ABLIM2: variants seen among roughly 807,000 people sequenced by gnomAD.
The protein encoded by ABLIM2 is actin binding LIM protein family member 2.
In ABLIM2, 53 loss-of-function variants were observed where a neutral mutation model predicts 97.7. That is an observed-to-expected ratio of 0.54 (90% CI 0.44 to 0.68). The LOEUF (loss-of-function observed/expected upper bound fraction) is 0.68, where lower values mean the gene tolerates loss of function less well. Ranked by LOEUF, ABLIM2 falls within the 30% of genes least tolerant of loss-of-function variation. The probability of loss-of-function intolerance (pLI) is 0.00; values close to 1 mark genes in which losing one functional copy is unlikely to be tolerated. For synonymous variants in ABLIM2, 361 were observed against 345.8 expected (o/e 1.04, Z -0.49); for missense variants, 835 against 867.2 (o/e 0.96, Z 0.47).
intron 1 of ABLIM2, among the ~76,000 whole-genome samples, chr4:8,158,161 G>C (rs1441246832): frequency 6.6e-6 from 1 of 152,228 alleles, no homozygotes; most frequent in Non-Finnish European, 1.5e-5. Context: ...ACACATGCGG[G>C]CTCCGGGTCC....
chr4:8,152,337 C>T (rs2152959577), intron 1 of ABLIM2, among the ~76,000 whole-genome samples: 1 of 152,356 alleles, frequency 6.6e-6, no homozygotes, highest in African/African-American at 2.4e-5. Flanking sequence ...AATCACGTGA[C>T]ACCAGGCACC....
intron 8 of ABLIM2, among the ~76,000 whole-genome samples, chr4:8,050,019 C>T (rs1215320723): frequency 3.3e-5 from 5 of 152,192 alleles, no homozygotes; most frequent in Admixed American, 6.5e-5. Flanking sequence ...TGAGCCACTG[C>T]GCACGGCCAG....
At chr4:8,042,059 T>G (rs760769370) in intron 9 of ABLIM2, among the ~76,000 whole-genome samples, 2 of 152,222 alleles carry the variant, frequency 1.3e-5, no homozygotes, top group East Asian at 1.9e-4. Flanking sequence ...TTGCAAATGT[T>G]GGCGCTCAGA....
At chr4:7,987,269 C>T (rs977943160) in intron 17 of ABLIM2, among the ~76,000 whole-genome samples, 1 of 151,564 alleles carries the variant, frequency 6.6e-6, no homozygotes, top group Middle Eastern at 3.4e-3. Context: ...TGAGCCACTG[C>T]GCCTGGCCAT....
In ABLIM2 at chr4:8,003,300, TAGCACAC is replaced by T. The variant is rs1421547409; in HGVS notation, c.1618+4752_1618+4758del. Among the ~76,000 whole-genome samples, 8 of 152,256 alleles carry T rather than the reference TAGCACAC, an allele frequency of 5.3e-5. No individual in the cohort carries two copies. Among genetic ancestry groups the T allele is most frequent in the African/African-American group, 1.9e-4 (8 of 41,470 alleles). ...TAGCCTTCGGCCAGGCAGAGTCATCTAGCACACAGCCTGGTGCATCATAGAGGGCTGG... is the reference window on the plus strand; with the variant it reads ...TAGCCTTCGGCCAGGCAGAGTCATCTAGCCTGGTGCATCATAGAGGGCTGG... On this transcript the variant is annotated intron_variant, in intron 16 of 20. Coordinates refer to ENST00000447017, the MANE Select transcript of ABLIM2 (RefSeq NM_001130083.2). This position sits in a 1 kb window ranked among gnomAD's most constrained non-coding sequence, Gnocchi z 4.2.
At chr4:8,107,907 G>A (rs1220127755) in intron 1 of ABLIM2, among the ~76,000 whole-genome samples, 1 of 152,210 alleles carries the variant, frequency 6.6e-6, no homozygotes, top group Non-Finnish European at 1.5e-5. Context: ...AGGTCAGGGA[G>A]ATGACACATT....
At chr4:8,145,742 TCATACACACACA>T (rs1442053053) in intron 1 of ABLIM2, among the ~76,000 whole-genome samples, 2 of 90,840 alleles carry the variant, frequency 2.2e-5, no homozygotes, top group Non-Finnish European at 4.3e-5. Flanking sequence ...GACTACACAC[TCATACACACACA>T]CACACACACA....
intron 6 of ABLIM2, among the ~76,000 whole-genome samples, chr4:8,073,446 G>C (rs1813775767): frequency 6.6e-6 from 1 of 151,966 alleles, no homozygotes; most frequent in Admixed American, 6.6e-5. Context: ...GCCAGGCAGT[G>C]CATCAGGCCA....
Position 8,122,751 on chromosome 4 carries a change from T to C in ABLIM2, c.11-16114A>G, listed in dbSNP as rs904942423. ...CTTGCCACTTTAGTTCTTTTCATCC[T>C]GCACAGCTGGGACCTGTCCTCTCTT... On this transcript the variant is annotated intron_variant, in intron 1 of 20. Coordinates refer to ENST00000447017, the MANE Select transcript of ABLIM2 (RefSeq NM_001130083.2). The surrounding 1 kb of genome is among the most constrained non-coding windows in gnomAD (Gnocchi z 4.1). Among the ~76,000 whole-genome samples, 1 of 152,190 alleles carries C rather than the reference T, an allele frequency of 6.6e-6. No homozygotes were observed. The highest frequency in any genetic ancestry group is 2.4e-5 in the African/African-American group (1 of 41,442).
At position 7,998,565 on chromosome 4, in the gene ABLIM2, A is replaced by G. The variant is rs1754977221; in HGVS notation, c.1619-5638T>C. 2.2e-6 allele frequency: 1 copy of G among 462,668 alleles called. No individual in the cohort carries two copies. Among genetic ancestry groups the G allele is most frequent in the Non-Finnish European group, 4.3e-6 (1 of 230,494 alleles). The allele number at this position is 462,668 out of a possible 1,614,324, so 28.7% of individuals were successfully genotyped here. On this transcript the variant is annotated intron_variant, in intron 16 of 20. Transcript: ENST00000447017. The surrounding 1 kb of genome is among the most constrained non-coding windows in gnomAD (Gnocchi z 6.4). ...GAGATGCCTGCCACGGGTGGAGACC[A>G]TGCCCCTGGGTTCACTCCCAGGACT...
At position 8,027,798 on chromosome 4, in the gene ABLIM2, T is replaced by C; in HGVS notation, c.1228A>G (p.Thr410Ala). Residue 410 changes from threonine (T) to alanine (A), a missense_variant, in exon 12 of 21, where the codon ACA becomes GCA. Thr to Ala is a moderately conservative substitution (Grantham distance 58). Transcript: ENST00000447017. ...ATGTAATGATGTCTGAACACGGATG[T>C]AGGGCTTGGGTGTTGGGACAGGGAG... Reference protein sequence around the residue: ...CLSLSQHPSPTSVFRHHYIPY... With the variant: ...CLSLSQHPSPASVFRHHYIPY... The C allele has an allele frequency of 6.2e-7, 1 of 1,600,538 alleles. No individual in the cohort carries two copies. The highest frequency in any genetic ancestry group is 8.5e-7 in the Non-Finnish European group (1 of 1,173,914).
At position 8,043,189 on chromosome 4, in the gene ABLIM2, T is replaced by G. The variant is rs1369982640; in HGVS notation, c.900+1975A>C. Among the ~76,000 whole-genome samples, 1 of 152,118 alleles carries G rather than the reference T, an allele frequency of 6.6e-6. No homozygotes were observed. The highest frequency in any genetic ancestry group is 1.5e-5 in the Non-Finnish European group (1 of 68,022). Reference sequence around the variant, plus strand: ...AAAAAGGACAGTCCTCCCTGGGTCTTTGGACCTGCGTCCCTGAAGGCTCCT... The same window carrying G: ...AAAAAGGACAGTCCTCCCTGGGTCTGTGGACCTGCGTCCCTGAAGGCTCCT... On this transcript the variant is annotated intron_variant, in intron 9 of 20. Coordinates refer to ENST00000447017, the MANE Select transcript of ABLIM2 (RefSeq NM_001130083.2). This position sits in a 1 kb window ranked among gnomAD's most constrained non-coding sequence, Gnocchi z 4.8.
In ABLIM2 at chr4:8,130,455, G is replaced by C. The variant is rs776451949; in HGVS notation, c.11-23818C>G. ...AACTGCAGGGGCTATGGCAGGGAGAGTGGACGCCGGCGCCGGGCACTGATC... is the reference window on the plus strand; with the variant it reads ...AACTGCAGGGGCTATGGCAGGGAGACTGGACGCCGGCGCCGGGCACTGATC... On this transcript the variant is annotated intron_variant, in intron 1 of 20. Coordinates refer to ENST00000447017, the MANE Select transcript of ABLIM2 (RefSeq NM_001130083.2). This position sits in a 1 kb window ranked among gnomAD's most constrained non-coding sequence, Gnocchi z 4.2. Among the ~76,000 whole-genome samples, 4 of 152,236 alleles carry C rather than the reference G, an allele frequency of 2.6e-5. No homozygotes were observed. Among genetic ancestry groups the C allele is most frequent in the Non-Finnish European group, 5.9e-5 (4 of 68,036 alleles).
At chr4:8,102,675 G>A (rs537576923) in intron 2 of ABLIM2, among the ~76,000 whole-genome samples, 5 of 152,224 alleles carry the variant, frequency 3.3e-5, no homozygotes, top group African/African-American at 4.8e-5. Context: ...ATAATCATAT[G>A]ATTTCACAGA....
rs1326148839 is a variant in ABLIM2, at chr4:8,043,497, C to T, written c.900+1667G>A. Among the ~76,000 whole-genome samples, 2 of 152,020 alleles carry T rather than the reference C, an allele frequency of 1.3e-5. No individual in the cohort carries two copies. Among genetic ancestry groups the T allele is most frequent in the Admixed American group, 1.3e-4 (2 of 15,260 alleles). ...AATGTGACTGCATTTGGATGCAGGG[C>T]CTTAAGAGAGGTCATCAAGTTAAAA... is the stretch of plus-strand genomic sequence containing the variant. On this transcript the variant is annotated intron_variant, in intron 9 of 20. Coordinates refer to ENST00000447017, the MANE Select transcript of ABLIM2 (RefSeq NM_001130083.2). This position sits in a 1 kb window ranked among gnomAD's most constrained non-coding sequence, Gnocchi z 4.8.
intron 7 of ABLIM2, among the ~76,000 whole-genome samples, chr4:8,056,112 CAAAAAAAAAAAAA>C (rs60992903): frequency 1.6e-4 from 11 of 68,358 alleles, no homozygotes; most frequent in African/African-American, 2.0e-4. Flanking sequence ...GACTCTGTCT[CAAAAAAAAAAAAA>C]AAAAAAAAAA....
chr4:8,015,832 G>A lies in ABLIM2; in HGVS notation c.1423+3786C>T, dbSNP rs1394648342. 6.6e-6 allele frequency among the ~76,000 whole-genome samples: 1 copy of A among 152,012 alleles called. No homozygotes were observed. Among genetic ancestry groups the A allele is most frequent in the Non-Finnish European group, 1.5e-5 (1 of 68,008 alleles). ...GTCGAACTTACTGGGAAATGTTGGGGAGCCATCATTTTTCCCTCATGAAAT... is the reference window on the plus strand; with the variant it reads ...GTCGAACTTACTGGGAAATGTTGGGAAGCCATCATTTTTCCCTCATGAAAT... On this transcript the variant is annotated intron_variant, in intron 14 of 20. Coordinates refer to ENST00000447017, the MANE Select transcript of ABLIM2 (RefSeq NM_001130083.2). The surrounding 1 kb of genome is among the most constrained non-coding windows in gnomAD (Gnocchi z 4.6).
In ABLIM2 at chr4:8,054,675, C is replaced by G. The variant is rs1383173847; in HGVS notation, c.764-429G>C. Among the ~76,000 whole-genome samples, 1 of 152,248 alleles carries G rather than the reference C, an allele frequency of 6.6e-6. No homozygotes were observed. Among genetic ancestry groups the G allele is most frequent in the African/African-American group, 2.4e-5 (1 of 41,464 alleles). ...TGGCTGGGCCCACCTGCAGAGACAG[C>G]TGGTGCTGCAACCTGGGTGGGAGCC... On this transcript the variant is annotated intron_variant, in intron 7 of 20. Coordinates refer to ENST00000447017, the MANE Select transcript of ABLIM2 (RefSeq NM_001130083.2). This position sits in a 1 kb window ranked among gnomAD's most constrained non-coding sequence, Gnocchi z 4.9.
Position 7,967,055 on chromosome 4 carries a change from C to G in ABLIM2, c.1873G>C (p.Glu625Gln), listed in dbSNP as rs761747422. The G allele has an allele frequency of 4.2e-5, 68 of 1,613,750 alleles. No homozygotes were observed. Among genetic ancestry groups the G allele is most frequent in the Non-Finnish European group, 5.5e-5 (65 of 1,179,952 alleles). ...EFQEVFGMSIEEFDRLALWKR... is the reference protein window; with the variant it reads ...EFQEVFGMSIQEFDRLALWKR... Reference sequence around the variant, plus strand: ...CAGAGGGCCAGGCGGTCAAACTCCTCGATGCTCATCCCAAACACTTCCTGG... The same window carrying G: ...CAGAGGGCCAGGCGGTCAAACTCCTGGATGCTCATCCCAAACACTTCCTGG... The change falls in exon 21 of 21, where the codon GAG becomes CAG. Residue 625 changes from glutamate (E) to glutamine (Q), a missense_variant. Glu to Gln is a conservative substitution (Grantham distance 29). Transcript: ENST00000447017.
Sources: gnomAD v4.1 joint callset for allele counts (sites outside exome capture counted in the v4.1 genomes callset) on GRCh38, gnomAD v4.1.1 for gene constraint, Gnocchi (gnomAD v3.1) non-coding constraint, MANE v1.5 for transcripts, NCBI Gene and HGNC (gene_info 2026-07-23, HGNC 2026-07-21) for gene names.